The following ZNF710 variants were observed in gnomAD, a reference collection of about 807,000 sequenced individuals.
The protein encoded by ZNF710 is zinc finger protein 710.
ZNF710 carries 13 observed loss-of-function variants against 50.6 expected under a neutral mutation model. That is an observed-to-expected ratio of 0.26 (90% CI 0.17 to 0.41). The LOEUF (loss-of-function observed/expected upper bound fraction) is 0.41. Ranked by LOEUF, ZNF710 falls within the 10% of genes least tolerant of loss-of-function variation. The pLI, the probability that ZNF710 is intolerant of heterozygous loss-of-function variation, is 1.00. For synonymous variants in ZNF710, 383 were observed against 397.0 expected (o/e 0.96, Z 0.42); for missense variants, 721 against 936.6 (o/e 0.77, Z 3.01).
At chr15:90,019,187 C>CTTTTT (rs11285838) in intron 1 of ZNF710, among the ~76,000 whole-genome samples, 346 of 89,314 alleles carry the variant, frequency 3.9e-3, no homozygotes, top group Middle Eastern at 0.011. Flanking sequence ...CTTTTTCTTT[C>CTTTTT]TTTTTTTTTT....
At chr15:90,044,928 T>G (rs1187409976) in intron 1 of ZNF710, among the ~76,000 whole-genome samples, 1 of 152,164 alleles carries the variant, frequency 6.6e-6, no homozygotes, top group Non-Finnish European at 1.5e-5. Context: ...TTTATACCTG[T>G]GTAGGCCAAA....
intron 1 of ZNF710, among the ~76,000 whole-genome samples, chr15:90,022,410 G>A (rs552526087): frequency 1.3e-5 from 2 of 152,252 alleles, no homozygotes; most frequent in South Asian, 2.1e-4. Context: ...GAGGCATGGG[G>A]GACTCAAACA....
At chr15:90,054,410 G>T (rs1899743497) in intron 1 of ZNF710, among the ~76,000 whole-genome samples, 1 of 152,184 alleles carries the variant, frequency 6.6e-6, no homozygotes, top group African/African-American at 2.4e-5. Context: ...CCCGGTGTGG[G>T]AAAACAGGTT....
chr15:90,047,118 T>G (rs1427707084), intron 1 of ZNF710, among the ~76,000 whole-genome samples: 8 of 147,926 alleles, frequency 5.4e-5, no homozygotes, highest in African/African-American at 2.0e-4. Flanking sequence ...TGGGGGTGGG[T>G]GGGGACAGGA....
At chr15:90,000,063 C>T (rs1897977256), upstream of ZNF710, among the ~76,000 whole-genome samples, 1 of 152,052 alleles carries the variant, frequency 6.6e-6, no homozygotes, top group African/African-American at 2.4e-5. Context: ...CTCCCCCTGG[C>T]TGCAGCCCCA....
intron 1 of ZNF710, among the ~76,000 whole-genome samples, chr15:90,012,748 A>G (rs1040637550): frequency 6.6e-6 from 1 of 152,098 alleles, no homozygotes; most frequent in African/African-American, 2.4e-5. Context: ...ATTAACTCAT[A>G]GATTTAATAT....
intron 1 of ZNF710, among the ~76,000 whole-genome samples, chr15:90,018,152 GCTTTT>G (rs1197823251): frequency 6.6e-6 from 1 of 150,430 alleles, no homozygotes; most frequent in African/African-American, 2.4e-5. Flanking sequence ...CTGTTTTGGG[GCTTTT>G]CTTTTCTTTT....
chr15:90,030,863 CA>C (rs1252442476), intron 1 of ZNF710, among the ~76,000 whole-genome samples: 43 of 151,468 alleles, frequency 2.8e-4, no homozygotes, highest in African/African-American at 9.7e-4. Context: ...TAAAAAAATA[CA>C]AAAAATTAGC....
intron 1 of ZNF710, among the ~76,000 whole-genome samples, chr15:90,001,883 TG>T (rs1157411163): frequency 1.4e-4 from 1 of 7,120 alleles, no homozygotes; most frequent in Admixed American, 1.6e-3. Context: ...GCGTCTGGGG[TG>T]GGGGGGAGGG....
chr15:90,055,245 CA>C (rs922082385), intron 1 of ZNF710, among the ~76,000 whole-genome samples: 2 of 152,124 alleles, frequency 1.3e-5, no homozygotes, highest in African/African-American at 2.4e-5. Context: ...CAGGGTGGGG[CA>C]GGGGGTCCGG....
chr15:90,003,980 G>T (rs960897789), intron 1 of ZNF710, among the ~76,000 whole-genome samples: 5 of 152,112 alleles, frequency 3.3e-5, no homozygotes, highest in East Asian at 1.9e-4. Context: ...CTGTGTCTTG[G>T]TGGAGGGGGC....
At chr15:90,054,104 G>A (rs1403035290) in intron 1 of ZNF710, among the ~76,000 whole-genome samples, 1 of 152,164 alleles carries the variant, frequency 6.6e-6, no homozygotes, top group African/African-American at 2.4e-5. Flanking sequence ...GAACATTGAA[G>A]GAGATAAAAG....
At chr15:90,023,024 C>T (rs890848998) in intron 1 of ZNF710, among the ~76,000 whole-genome samples, 6 of 152,132 alleles carry the variant, frequency 3.9e-5, no homozygotes, top group African/African-American at 7.2e-5. Flanking sequence ...TGCTATAGGC[C>T]GGACACTGAT....
At chr15:90,066,773 C>T (rs967274800) in intron 1 of ZNF710, among the ~76,000 whole-genome samples, 2 of 152,076 alleles carry the variant, frequency 1.3e-5, no homozygotes, top group African/African-American at 2.4e-5. Flanking sequence ...CCACCATGCC[C>T]GGTCTTTTTA....
chr15:90,024,660 C>T (rs920863034), intron 1 of ZNF710, among the ~76,000 whole-genome samples: 1 of 152,220 alleles, frequency 6.6e-6, no homozygotes, highest in Non-Finnish European at 1.5e-5. Flanking sequence ...TTGCCATGCC[C>T]CCTCTTCCTC....
chr15:90,064,331 C>G (rs143133964), intron 1 of ZNF710, among the ~76,000 whole-genome samples: 197 of 152,356 alleles, frequency 1.3e-3, no homozygotes, highest in African/African-American at 4.6e-3. Flanking sequence ...GATTTAGCGG[C>G]TATTTATTGT....
At chr15:90,004,040 C>A (rs572784359) in intron 1 of ZNF710, among the ~76,000 whole-genome samples, 1 of 152,252 alleles carries the variant, frequency 6.6e-6, no homozygotes, top group African/African-American at 2.4e-5. Context: ...CTTCTCAGAG[C>A]TGATACCTGG....
intron 1 of ZNF710, among the ~76,000 whole-genome samples, chr15:90,012,900 C>G (rs564098755): frequency 6.6e-5 from 10 of 152,126 alleles, no homozygotes; most frequent in Non-Finnish European, 1.5e-4. Flanking sequence ...AAAACAATCT[C>G]TTACTCCTTG....
At chr15:90,031,510 A>T (rs1898949015) in intron 1 of ZNF710, among the ~76,000 whole-genome samples, 1 of 152,242 alleles carries the variant, frequency 6.6e-6, no homozygotes, top group Middle Eastern at 3.2e-3. Context: ...AGGTTAAGTG[A>T]GGACACACAG....
Sources: gnomAD v4.1 joint callset for allele counts (sites outside exome capture counted in the v4.1 genomes callset) on GRCh38, gnomAD v4.1.1 for gene constraint, MANE v1.5 for transcripts, NCBI Gene and HGNC (gene_info 2026-07-23, HGNC 2026-07-21) for gene names.